Variants in PAPPA observed in about 807,000 individuals in gnomAD.
The protein encoded by PAPPA is pappalysin 1.
PAPPA carries 60 observed loss-of-function variants against 164.0 expected under a neutral mutation model. The ratio of observed to expected loss-of-function variants is 0.37; its 90% CI spans 0.30 to 0.45. The LOEUF (loss-of-function observed/expected upper bound fraction) is 0.45, where lower values mean the gene tolerates loss of function less well. Ranked by LOEUF, PAPPA falls within the 20% of genes least tolerant of loss-of-function variation. The pLI, the probability that PAPPA is intolerant of heterozygous loss-of-function variation, is 1.00. For missense variants in PAPPA, 1,782 were observed against 2,087.3 expected (o/e 0.85, Z 2.85); for synonymous variants, 875 against 814.1 (o/e 1.07, Z -1.27).
Position 116,235,655 on chromosome 9 carries a change from A to T in PAPPA, c.2732+18A>T. The T allele has an allele frequency of 6.2e-7, 1 of 1,612,258 alleles. No individual in the cohort carries two copies. The highest frequency in any genetic ancestry group is 8.5e-7 in the Non-Finnish European group (1 of 1,179,620). ...GTAGACATGTAAGTGCATTCTCTGA[A>T]TAGGGAGTTTATTAAGTGGGTGGGT... On this transcript the variant is annotated intron_variant, in intron 7 of 21. Coordinates refer to ENST00000328252, the MANE Select transcript of PAPPA (RefSeq NM_002581.5).
At chr9:116,379,574 TCC>T in intron 20 of PAPPA, among the ~76,000 whole-genome samples, 1 of 152,114 alleles carries the variant, frequency 6.6e-6, no homozygotes, top group East Asian at 1.9e-4. Context: ...CATCCATCCA[TCC>T]ATCCATCGTT....
intron 7 of PAPPA, among the ~76,000 whole-genome samples, chr9:116,263,179 A>G (rs1457031562): frequency 6.6e-6 from 1 of 152,188 alleles, no homozygotes; most frequent in Non-Finnish European, 1.5e-5. Flanking sequence ...AGAAGAAGGA[A>G]GGTTATTAAG....
At chr9:116,342,424 T>C (rs903575573) in intron 13 of PAPPA, among the ~76,000 whole-genome samples, 1 of 152,152 alleles carries the variant, frequency 6.6e-6, no homozygotes, top group Non-Finnish European at 1.5e-5. Flanking sequence ...AAGGAGAGTA[T>C]TGGAGAACTG....
chr9:116,376,247 T>G (rs781288757), intron 19 of PAPPA, among the ~76,000 whole-genome samples: 4 of 152,086 alleles, frequency 2.6e-5, no homozygotes, highest in Non-Finnish European at 4.4e-5. Context: ...TCTCGATCTT[T>G]TGACCTCATG....
At chr9:116,333,186 C>T (rs1460899188) in intron 12 of PAPPA, among the ~76,000 whole-genome samples, 3 of 152,156 alleles carry the variant, frequency 2.0e-5, no homozygotes, top group Non-Finnish European at 2.9e-5. Flanking sequence ...ATCCTGTCCC[C>T]ACCACTCACT....
intron 19 of PAPPA, among the ~76,000 whole-genome samples, chr9:116,375,748 C>T (rs1391991022): frequency 6.6e-6 from 1 of 152,066 alleles, no homozygotes; most frequent in East Asian, 1.9e-4. Context: ...ATAGGTCTGC[C>T]CTCAGGGAGA....
At position 116,265,925 on chromosome 9, in the gene PAPPA, C is replaced by T; in HGVS notation, c.2801C>T (p.Pro934Leu). The T allele has an allele frequency of 1.2e-6, 2 of 1,612,504 alleles. No individual in the cohort carries two copies. Among genetic ancestry groups the T allele is most frequent in the Non-Finnish European group, 1.7e-6 (2 of 1,178,568 alleles). Residue 934 changes from proline (P) to leucine (L), a missense_variant, in exon 8 of 22, where the codon CCA becomes CTA. Pro to Leu is a moderately conservative substitution (Grantham distance 98). This residue lies in a region of PAPPA where 1,324 missense variants were observed against 1,656.9 expected (regional missense o/e 0.80). Transcript: ENST00000328252. ...ATTTCAGGAACTGAAGAGAGTGAGC[C>T]ATCACCTGCTGTCACATACATCCAT... ...ITISGTEESE[P>L]SPAVTYIHGS...
chr9:116,215,975 C>T (rs1844366158), intron 4 of PAPPA, among the ~76,000 whole-genome samples: 1 of 152,070 alleles, frequency 6.6e-6, no homozygotes, highest in African/African-American at 2.4e-5. Flanking sequence ...TACATATACA[C>T]ACATATACCT....
At chr9:116,280,901 C>T (rs1777275694) in intron 9 of PAPPA, among the ~76,000 whole-genome samples, 1 of 152,214 alleles carries the variant, frequency 6.6e-6, no homozygotes, top group South Asian at 2.1e-4. Flanking sequence ...TGGTCCTTTA[C>T]TGAAAAGTTG....
intron 7 of PAPPA, 81 bp downstream of exon 7, chr9:116,235,718 AG>A (rs1844656698): frequency 1.5e-6 from 2 of 1,358,610 alleles, no homozygotes; most frequent in Non-Finnish European, 1.0e-6. Context: ...AGGCCTGGAC[AG>A]GGGGAAGGTT....
intron 9 of PAPPA, among the ~76,000 whole-genome samples, chr9:116,301,825 G>A (rs1845582617): frequency 6.6e-6 from 1 of 152,200 alleles, no homozygotes; most frequent in Admixed American, 6.5e-5. Flanking sequence ...TGTCTCAATA[G>A]TGTAACCTCT....
intron 10 of PAPPA, among the ~76,000 whole-genome samples, chr9:116,312,570 G>A (rs577125098): frequency 6.6e-6 from 1 of 152,132 alleles, no homozygotes; most frequent in South Asian, 2.1e-4. Flanking sequence ...CCAAAGGATG[G>A]GGTTTTGAGG....
intron 9 of PAPPA, among the ~76,000 whole-genome samples, chr9:116,289,150 A>AG (rs1564212062): frequency 1.5e-4 from 5 of 32,378 alleles, no homozygotes; most frequent in African/African-American, 5.1e-4. Context: ...ATATATATAT[A>AG]TATATATATA....
chr9:116,205,333 C>T (rs1469289183), intron 2 of PAPPA, among the ~76,000 whole-genome samples: 2 of 152,212 alleles, frequency 1.3e-5, no homozygotes, highest in Non-Finnish European at 2.9e-5. Flanking sequence ...CCTGCCCCTA[C>T]CCCACCCTTT....
chr9:116,335,086 G>A lies in PAPPA; in HGVS notation c.3611+12G>A, dbSNP rs199669193. 2.5e-5 allele frequency: 40 copies of A among 1,606,794 alleles called. No individual in the cohort carries two copies. The East Asian group carries it at 3.6e-4, about 14-fold the overall frequency. ...CCTGCCGAGCAGAGGTAAGGGATCCGCGGCAGACTCGCCCTAGGCCACTTG... is the reference window on the plus strand; with the variant it reads ...CCTGCCGAGCAGAGGTAAGGGATCCACGGCAGACTCGCCCTAGGCCACTTG... On this transcript the variant is annotated intron_variant, in intron 13 of 21. Transcript: ENST00000328252.
At chr9:116,275,261 G>T (rs371375617) in intron 9 of PAPPA, among the ~76,000 whole-genome samples, 3 of 152,198 alleles carry the variant, frequency 2.0e-5, no homozygotes, top group East Asian at 1.9e-4. Flanking sequence ...TTTCTAGCAA[G>T]TTGGATGTGC....
In PAPPA at chr9:116,380,597, T is replaced by C. The variant is rs185223650; in HGVS notation, c.4678-1798T>C. 1.7e-3 allele frequency among the ~76,000 whole-genome samples: 254 copies of C among 151,912 alleles called. 3 individuals are homozygous for C. The highest frequency in any genetic ancestry group is 2.1e-3 in the East Asian group (11 of 5,184). Reference sequence around the variant, plus strand: ...GGCAGGAAGGAAAAGAAAGGGTTTATTGTTTGTTGTTTGTTTATACCCCAC... The same window carrying C: ...GGCAGGAAGGAAAAGAAAGGGTTTACTGTTTGTTGTTTGTTTATACCCCAC... On this transcript the variant is annotated intron_variant, in intron 20 of 21. Coordinates refer to ENST00000328252, the MANE Select transcript of PAPPA (RefSeq NM_002581.5).
chr9:116,384,467 A>G (rs929444541), intron 21 of PAPPA, among the ~76,000 whole-genome samples: 1 of 151,996 alleles, frequency 6.6e-6, no homozygotes, highest in East Asian at 1.9e-4. Flanking sequence ...AATTTAAAAA[A>G]GTTCTGATAG....
chr9:116,248,153 A>G (rs1206730016), intron 7 of PAPPA, among the ~76,000 whole-genome samples: 3 of 152,228 alleles, frequency 2.0e-5, no homozygotes, highest in Non-Finnish European at 4.4e-5. Flanking sequence ...GTTTCCCGTA[A>G]ACTCTACCAG....
Sources: gnomAD v4.1 joint callset for allele counts (sites outside exome capture counted in the v4.1 genomes callset) on GRCh38, gnomAD v4.1.1 for gene constraint, gnomAD v4.1.1 regional missense constraint, MANE v1.5 for transcripts, NCBI Gene and HGNC (gene_info 2026-07-23, HGNC 2026-07-21) for gene names.